The following EML6 variants were observed in gnomAD, a reference collection of about 807,000 sequenced individuals.
EML6 encodes echinoderm microtubule-associated protein-like 6.
A neutral mutation model predicts 240.1 loss-of-function variants in EML6; 154 were observed. The ratio of observed to expected loss-of-function variants is 0.64; its 90% CI spans 0.56 to 0.73. The LOEUF is 0.73. Ranked by LOEUF, EML6 falls within the 30% of genes least tolerant of loss-of-function variation. EML6 has a pLI of 0.00. For missense variants in EML6, 2,964 were observed against 2,474.6 expected, an observed-to-expected ratio of 1.20 and a Z score of -4.20; for synonymous variants, 1,148 against 899.0, an observed-to-expected ratio of 1.28 and a Z score of -4.95.
intron 33 of EML6, 98 bp downstream of exon 33, chr2:54,958,096 C>A: frequency 9.2e-7 from 1 of 1,082,346 alleles, no homozygotes. Context: ...AGGCTGAAAA[C>A]AGCAGGAAAG....
At chr2:54,933,061 G>C (rs1299524057) in intron 28 of EML6, among the ~76,000 whole-genome samples, 1 of 152,034 alleles carries the variant, frequency 6.6e-6, no homozygotes. Context: ...TCATATCTCA[G>C]TTCTTCTTCC....
chr2:54,929,415 T>C (rs1674735277), intron 28 of EML6, among the ~76,000 whole-genome samples: 1 of 152,254 alleles, frequency 6.6e-6, no homozygotes, highest in Non-Finnish European at 1.5e-5. Flanking sequence ...AGCTCAGAAT[T>C]ACTATATTAC....
In EML6 at chr2:54,968,734, A is replaced by G; in HGVS notation, c.5818A>G (p.Lys1940Glu). Residue 1940 changes from lysine (K) to glutamate (E), a missense_variant, in exon 41 of 42, where the codon AAG (lysine) becomes GAG (glutamate). By Grantham distance (56) the Lys-to-Glu change is moderately conservative. Transcript: ENST00000356458. ...GAACATCCGTTTCTCTTATGATGAC[A>G]AGTATGTGGTCAGCACTGGAGGAGA... ...VTNIRFSYDD[K>E]YVVSTGGDDC... The G allele has an allele frequency of 6.5e-7, 1 of 1,550,180 alleles. No individual in the cohort carries two copies.
chr2:54,883,368 A>AT (rs1462978399), intron 17 of EML6, among the ~76,000 whole-genome samples: 1 of 151,878 alleles, frequency 6.6e-6, no homozygotes, highest in Non-Finnish European at 1.5e-5. Context: ...GCCAATTTAA[A>AT]TTTTTTTTGG....
chr2:54,904,068 A>G (rs182815949), intron 24 of EML6, among the ~76,000 whole-genome samples: 1 of 152,372 alleles, frequency 6.6e-6, no homozygotes, highest in Admixed American at 6.5e-5. Flanking sequence ...ATGGTGTTGC[A>G]TAGTCTTAAG....
chr2:54,759,293 A>G (rs545479075), intron 2 of EML6, among the ~76,000 whole-genome samples: 1 of 151,146 alleles, frequency 6.6e-6, no homozygotes, highest in South Asian at 2.1e-4. Flanking sequence ...TCATGTAGCT[A>G]TCTTCAAAAC....
At chr2:54,830,285 G>C (rs567261618) in intron 7 of EML6, among the ~76,000 whole-genome samples, 11 of 152,272 alleles carry the variant, frequency 7.2e-5, no homozygotes, top group African/African-American at 2.4e-4. Flanking sequence ...AATACGCTAA[G>C]CACAGGTTGG....
chr2:54,741,328 A>T (rs553925271), intron 2 of EML6, among the ~76,000 whole-genome samples: 1 of 152,214 alleles, frequency 6.6e-6, no homozygotes, highest in East Asian at 1.9e-4. Context: ...AAACAAAAAA[A>T]TTCAGATTTA....
At chr2:54,969,015 C>G (rs1676875087) in intron 41 of EML6, among the ~76,000 whole-genome samples, 1 of 152,140 alleles carries the variant, frequency 6.6e-6, no homozygotes, top group South Asian at 2.1e-4. Flanking sequence ...CATGTGATAG[C>G]TACTCTGGGC....
intron 18 of EML6, 88 bp from the exon 19 acceptor site, chr2:54,892,366 A>T: frequency 1.3e-6 from 1 of 780,482 alleles, no homozygotes. Flanking sequence ...AATGAGAGAC[A>T]CCAGGTTTCT....
intron 15 of EML6, among the ~76,000 whole-genome samples, chr2:54,870,452 T>A (rs1043323523): frequency 2.6e-5 from 4 of 152,160 alleles, no homozygotes; most frequent in African/African-American, 7.2e-5. Flanking sequence ...TAAATTGTTT[T>A]TTAAAAGGGT....
Position 54,968,651 on chromosome 2 carries a change from T to C in EML6, c.5752-17T>C, listed in dbSNP as rs1334081553. The C allele has an allele frequency of 1.3e-6, 2 of 1,497,136 alleles. No individual in the cohort carries two copies. The highest frequency in any genetic ancestry group is 2.0e-5 in the Admixed American group (1 of 50,940). The allele number at this position is 1,497,136 out of a possible 1,614,324, so 92.7% of individuals were successfully genotyped here. A position where few individuals can be genotyped will look rare whatever the true frequency, so the allele number is the denominator to read the frequency against. ...AGCCAGGGTCTCTTAGCTGTCTCCA[T>C]TCACTTTTGCTCACAGGCCAAACAT... On this transcript the variant is annotated splice_polypyrimidine_tract_variant and intron_variant, in intron 40 of 41. Transcript: ENST00000356458.
chr2:54,729,184 G>A (rs1386757825), intron 2 of EML6, among the ~76,000 whole-genome samples: 2 of 152,228 alleles, frequency 1.3e-5, no homozygotes, highest in Non-Finnish European at 2.9e-5. Context: ...TTTGGCCAGT[G>A]GTAAGTGTGC....
chr2:54,725,363 A>C lies in EML6; in HGVS notation c.197+105A>C. 1.2e-6 allele frequency: 1 copy of C among 835,698 alleles called. No homozygotes were observed. 51.8% of individuals were successfully genotyped at this position (835,698 alleles called of 1,614,324 possible). Reference sequence around the variant, plus strand: ...ATCCGGGAGCCCCGTGGAATAGAGGATTCTCTCTGGAGCCGCATGGAATTA... The same window carrying C: ...ATCCGGGAGCCCCGTGGAATAGAGGCTTCTCTCTGGAGCCGCATGGAATTA... On this transcript the variant is annotated intron_variant, in intron 2 of 41. Transcript: ENST00000356458. This position sits in a 1 kb window ranked among gnomAD's most constrained non-coding sequence, Gnocchi z 4.3.
rs1163659590 is a variant in EML6, at chr2:54,964,152, A to G, written c.5324A>G (p.Asp1775Gly). The G allele has an allele frequency of 6.4e-7, 1 of 1,551,494 alleles. No individual in the cohort carries two copies. Among genetic ancestry groups the G allele is most frequent in the Admixed American group, 2.0e-5 (1 of 51,000 alleles). ...CGAGACCGGAAATCTGCTATCCAAG[A>G]TATCAGGTACCTAAGTGGGTGGTCT... The part of the protein sequence containing the change: ...KKRDRKSAIQ[D>G]IRISPDNRFL... Residue 1775 changes from aspartate to glycine, a missense_variant, in exon 37 of 42, where the codon GAT becomes GGT. Coordinates refer to ENST00000356458, the MANE Select transcript of EML6 (RefSeq NM_001039753.4).
intron 34 of EML6, 52 bp from the exon 35 acceptor site, chr2:54,960,168 G>C: frequency 1.5e-6 from 2 of 1,319,054 alleles, no homozygotes; most frequent in Non-Finnish European, 2.1e-6. Context: ...GGAGGGGGTA[G>C]TGGGTCTTAG....
chr2:54,964,745 G>T lies in EML6; in HGVS notation c.5493+12G>T, dbSNP rs1573228558. On this transcript the variant is annotated intron_variant, in intron 38 of 41. Coordinates refer to ENST00000356458, the MANE Select transcript of EML6 (RefSeq NM_001039753.4). ...GCAAATACATTCAGGTATGCTTGGGGTTTACTTATATCTGGGGCAACCAAT... is the reference window on the plus strand; with the variant it reads ...GCAAATACATTCAGGTATGCTTGGGTTTTACTTATATCTGGGGCAACCAAT... 4 of 1,551,538 alleles carry T rather than the reference G, an allele frequency of 2.6e-6. No homozygotes were observed. The highest frequency in any genetic ancestry group is 3.5e-6 in the Non-Finnish European group (4 of 1,146,864).
Position 54,858,056 on chromosome 2 carries a change from G to A in EML6, c.1658-1478G>A, listed in dbSNP as rs150775088. Among the ~76,000 whole-genome samples, 644 of 152,332 alleles carry A rather than the reference G, an allele frequency of 4.2e-3. 3 individuals carry two copies. The highest frequency in any genetic ancestry group is 0.037 in the Middle Eastern group (11 of 294). ...TCTGGGAGTCAAGGAGTCCCAAGAA[G>A]CTTAGCTGGGTGATTCTAGTTCAGG... On this transcript the variant is annotated intron_variant, in intron 11 of 41. Transcript: ENST00000356458.
chr2:54,885,400 T>C (rs1394942360), intron 17 of EML6, among the ~76,000 whole-genome samples: 1 of 151,814 alleles, frequency 6.6e-6, no homozygotes, highest in Non-Finnish European at 1.5e-5. Flanking sequence ...TGAGCCGAGA[T>C]CATGCCACTG....
Sources: allele counts gnomAD v4.1 joint callset (sites outside exome capture counted in the v4.1 genomes callset), GRCh38; gene constraint gnomAD v4.1.1; non-coding constraint Gnocchi (gnomAD v3.1); transcripts MANE v1.5; gene names NCBI Gene and HGNC (gene_info 2026-07-23, HGNC 2026-07-21).